The following LARP1B variants were observed in gnomAD, a reference collection of about 807,000 sequenced individuals.
LARP1B encodes the protein la-related protein 1B.
LARP1B carries 76 observed loss-of-function variants against 114.2 expected under a neutral mutation model. The ratio of observed to expected loss-of-function variants is 0.67; its 90% CI spans 0.55 to 0.81. LARP1B has a LOEUF of 0.81. Ranked by LOEUF, LARP1B falls within the 30% of genes least tolerant of loss-of-function variation. The pLI, the probability that LARP1B is intolerant of heterozygous loss-of-function variation, is 0.00. For missense variants in LARP1B, 1,014 were observed against 1,075.8 expected (o/e 0.94, Z 0.80); for synonymous variants, 345 against 348.0 (o/e 0.99, Z 0.10).
At chr4:128,155,301 C>G (rs548154179) in intron 11 of LARP1B, 1 of 499,222 alleles carries the variant, frequency 2.0e-6, no homozygotes, top group Non-Finnish European at 3.6e-6. Flanking sequence ...AGTAGAGGGC[C>G]AAGACAGTAA....
In LARP1B at chr4:128,114,623, A is replaced by T; in HGVS notation, c.1042A>T (p.Ser348Cys). The change falls in exon 10 of 20, where the codon AGT becomes TGT. Residue 348 changes from serine (S) to cysteine (C), a missense_variant. Ser to Cys is a moderately radical substitution (Grantham distance 112). Transcript: ENST00000326639. ...AAGCCCATTGAGCCCAAAGAAAAAC[A>T]GTGAAACAAGTATTCTTCAAGCAAT... Reference protein sequence around the residue: ...IGSPLSPKKNSETSILQAMSR... With the variant: ...IGSPLSPKKNCETSILQAMSR... The T allele has an allele frequency of 1.2e-6, 2 of 1,613,954 alleles. No individual in the cohort carries two copies. Among genetic ancestry groups the T allele is most frequent in the South Asian group, 2.2e-5 (2 of 91,042 alleles).
intron 11 of LARP1B, chr4:128,123,440 T>C (rs1788621506): frequency 1.1e-6 from 1 of 907,286 alleles, no homozygotes; most frequent in Non-Finnish European, 1.3e-6. Context: ...CTACTAATAA[T>C]CAGTTAAAAT....
At chr4:128,090,823 A>G (rs544624072) in intron 5 of LARP1B, among the ~76,000 whole-genome samples, 178 bp from the exon 6 acceptor site, 7 of 152,300 alleles carry the variant, frequency 4.6e-5, no homozygotes, top group Non-Finnish European at 7.4e-5. Context: ...GTTTTATGCT[A>G]GAGATATTTT....
At chr4:128,140,563 T>C (rs1017322496) in intron 11 of LARP1B, among the ~76,000 whole-genome samples, 3 of 152,064 alleles carry the variant, frequency 2.0e-5, no homozygotes, top group Non-Finnish European at 4.4e-5. Flanking sequence ...TTGTGGGGGC[T>C]GGGGGGAGGT....
intron 5 of LARP1B, among the ~76,000 whole-genome samples, chr4:128,090,648 C>T (rs1208493982): frequency 1.3e-5 from 2 of 152,118 alleles, no homozygotes; most frequent in Non-Finnish European, 2.9e-5. Context: ...TTAAATATTT[C>T]GTGAGAAATG....
At chr4:128,083,846 A>G (rs1431739834) in intron 5 of LARP1B, among the ~76,000 whole-genome samples, 1 of 145,408 alleles carries the variant, frequency 6.9e-6, no homozygotes, top group African/African-American at 2.6e-5. Flanking sequence ...CCGGGCGGAG[A>G]CGCTCCTCAC....
intron 11 of LARP1B, among the ~76,000 whole-genome samples, chr4:128,130,046 T>C (rs2150094805): frequency 6.6e-6 from 1 of 152,224 alleles, no homozygotes; most frequent in East Asian, 1.9e-4. Context: ...CAGTGAAAGA[T>C]ACTGTCAAGA....
chr4:128,081,401 G>A (rs1993723), intron 4 of LARP1B, among the ~76,000 whole-genome samples: 2 of 137,922 alleles, frequency 1.5e-5, no homozygotes, highest in Non-Finnish European at 1.5e-5. Context: ...TTTTTTTTGA[G>A]ATATAGATAT....
At chr4:128,166,878 A>T (rs1425968382) in intron 12 of LARP1B, among the ~76,000 whole-genome samples, 1 of 148,268 alleles carries the variant, frequency 6.7e-6, no homozygotes, top group Non-Finnish European at 1.5e-5. Context: ...AGTTTCATCC[A>T]TGTTGTAGCA....
intron 11 of LARP1B, among the ~76,000 whole-genome samples, chr4:128,139,449 C>A (rs1244753755): frequency 6.6e-6 from 1 of 152,044 alleles, no homozygotes; most frequent in Non-Finnish European, 1.5e-5. Context: ...GTGATGATCA[C>A]AGCTGCGATG....
At chr4:128,222,215 T>C (rs1365136684) in intron 7 of LARP1B, 1 of 414,930 alleles carries the variant, frequency 2.4e-6, no homozygotes, top group Non-Finnish European at 4.9e-6. Context: ...TTAGATGCCG[T>C]TATTTCTACT....
chr4:128,076,685 T>C (rs1768028330), intron 3 of LARP1B, among the ~76,000 whole-genome samples: 2 of 152,128 alleles, frequency 1.3e-5, no homozygotes, highest in Admixed American at 1.3e-4. Flanking sequence ...CTATCAGCAG[T>C]GTACATGAAT....
chr4:128,140,561 G>A (rs1296946436), intron 11 of LARP1B, among the ~76,000 whole-genome samples: 1 of 152,148 alleles, frequency 6.6e-6, no homozygotes, highest in Non-Finnish European at 1.5e-5. Flanking sequence ...CATTGTGGGG[G>A]CTGGGGGGAG....
At chr4:128,194,615 G>A (rs537411432) in intron 15 of LARP1B, among the ~76,000 whole-genome samples, 33 of 149,150 alleles carry the variant, frequency 2.2e-4, no homozygotes, top group African/African-American at 7.7e-4. Flanking sequence ...CCCGGGAGGC[G>A]GAGCTTGCAG....
chr4:128,177,235 G>A (rs541276510), intron 13 of LARP1B, among the ~76,000 whole-genome samples: 1 of 152,312 alleles, frequency 6.6e-6, no homozygotes, highest in East Asian at 1.9e-4. Flanking sequence ...TAACAGTGAA[G>A]AAAATGGATT....
intron 10 of LARP1B, among the ~76,000 whole-genome samples, chr4:128,120,803 A>ATTTTTT (rs56253884): frequency 1.6e-5 from 2 of 128,962 alleles, no homozygotes; most frequent in Non-Finnish European, 1.6e-5. Flanking sequence ...GGGGTAGACA[A>ATTTTTT]TTTTTTTTTT....
chr4:128,141,229 C>T (rs963500425), intron 11 of LARP1B, among the ~76,000 whole-genome samples: 7 of 152,078 alleles, frequency 4.6e-5, no homozygotes, highest in South Asian at 2.1e-4. Flanking sequence ...AGAGATCAGA[C>T]GTCCATTCCA....
intron 1 of LARP1B, among the ~76,000 whole-genome samples, chr4:128,073,570 TCG>T (rs1491528169): frequency 7.7e-6 from 1 of 130,070 alleles, no homozygotes; most frequent in African/African-American, 2.8e-5. Flanking sequence ...TATATTGTTG[TCG>T]TTTTTTTTTT....
At chr4:128,166,662 G>A (rs1050558637) in intron 12 of LARP1B, among the ~76,000 whole-genome samples, 19 of 151,514 alleles carry the variant, frequency 1.3e-4, no homozygotes, top group Non-Finnish European at 2.8e-4. Context: ...TTGTACATTA[G>A]ATCTCTAGAC....
Sources: gnomAD v4.1 joint callset for allele counts (sites outside exome capture counted in the v4.1 genomes callset) on GRCh38, gnomAD v4.1.1 for gene constraint, MANE v1.5 for transcripts, NCBI Gene and HGNC (gene_info 2026-07-23, HGNC 2026-07-21) for gene names.